DNAAF5: variants seen among roughly 807,000 people sequenced by gnomAD.
DNAAF5 encodes the protein dynein axonemal assembly factor 5.
In DNAAF5, 64 loss-of-function variants were observed where a neutral mutation model predicts 75.8. That is an observed-to-expected ratio of 0.84 (90% CI 0.69 to 1.04). DNAAF5 has a LOEUF of 1.04. DNAAF5 is among the 50% of genes least tolerant of loss of function. The probability of loss-of-function intolerance (pLI) is 0.00; values close to 1 mark genes in which losing one functional copy is unlikely to be tolerated. For missense variants in DNAAF5, 1,269 were observed against 1,178.5 expected (o/e 1.08, Z -1.12); for synonymous variants, 657 against 557.2 (o/e 1.18, Z -2.52).
intron 8 of DNAAF5, among the ~76,000 whole-genome samples, chr7:765,092 G>C (rs1782779706): frequency 6.6e-6 from 1 of 152,234 alleles, no homozygotes; most frequent in South Asian, 2.1e-4. Flanking sequence ...CTGCACTCCA[G>C]CCTGGGCAAC....
chr7:740,313 G>C (rs1202331994), intron 2 of DNAAF5, among the ~76,000 whole-genome samples: 1 of 152,210 alleles, frequency 6.6e-6, no homozygotes, highest in Non-Finnish European at 1.5e-5. Flanking sequence ...CAGCAGAACT[G>C]GGGACCCTAC....
chr7:770,061 C>T (rs1778502948), intron 8 of DNAAF5, among the ~76,000 whole-genome samples: 1 of 152,196 alleles, frequency 6.6e-6, no homozygotes, highest in Non-Finnish European at 1.5e-5. Flanking sequence ...AAGTGATTCT[C>T]CTGCCTCAGC....
chr7:734,609 T>C (rs1781678674), intron 2 of DNAAF5, among the ~76,000 whole-genome samples: 1 of 152,242 alleles, frequency 6.6e-6, no homozygotes, highest in African/African-American at 2.4e-5. Context: ...TTTGGAGGTA[T>C]TCCTTCCTCT....
rs1345721848 is a variant in DNAAF5, at chr7:786,104, A to T, written c.*451A>T. On this transcript the variant is annotated 3_prime_UTR_variant, in exon 13 of 13. Coordinates refer to ENST00000297440, the MANE Select transcript of DNAAF5 (RefSeq NM_017802.4). Reference sequence around the variant, plus strand: ...TGGGTTCTGTCTACTGAAATTTAATATCTCAGTGAACAGACTAAAAGGAAT... The same window carrying T: ...TGGGTTCTGTCTACTGAAATTTAATTTCTCAGTGAACAGACTAAAAGGAAT... 1 of 157,612 alleles carries T rather than the reference A, an allele frequency of 6.3e-6. No homozygotes were observed. The highest frequency in any genetic ancestry group is 1.4e-5 in the Non-Finnish European group (1 of 71,684). 9.8% of individuals were successfully genotyped at this position (157,612 alleles called of 1,614,324 possible). A position where few individuals can be genotyped will look rare whatever the true frequency, so the allele number is the denominator to read the frequency against.
At chr7:773,968 C>T (rs1017928465) in intron 9 of DNAAF5, 80 bp from the exon 10 acceptor site, 1 of 1,531,206 alleles carries the variant, frequency 6.5e-7, no homozygotes, top group African/African-American at 1.4e-5. Context: ...CCCCCCTCAG[C>T]CCCATTCATC....
intron 2 of DNAAF5, among the ~76,000 whole-genome samples, chr7:737,050 C>T (rs978793466): frequency 6.6e-6 from 1 of 151,776 alleles, no homozygotes; most frequent in African/African-American, 2.4e-5. Context: ...ATATCTTTGT[C>T]TTGAAAAGTC....
Position 779,824 on chromosome 7 carries a change from G to A in DNAAF5, c.2240-129G>A, listed in dbSNP as rs565622480. ...TGGCTCGGGATGCACGGAGTCTCCC[G>A]TGAGGTGTGGGTTTCTTAGGACCCC... On this transcript the variant is annotated intron_variant, in intron 11 of 12. Transcript: ENST00000297440. 3.2e-5 allele frequency: 24 copies of A among 754,064 alleles called. No individual in the cohort carries two copies. In the East Asian group the frequency reaches 3.5e-4, roughly 11 times the overall value. 46.7% of individuals were successfully genotyped at this position (754,064 alleles called of 1,614,324 possible). A position where few individuals can be genotyped will look rare whatever the true frequency, so the allele number is the denominator to read the frequency against.
intron 6 of DNAAF5, among the ~76,000 whole-genome samples, chr7:760,718 A>G (rs1366813271): frequency 1.3e-5 from 2 of 152,258 alleles, no homozygotes; most frequent in Admixed American, 6.5e-5. Context: ...TCTTGGGTCC[A>G]GCACACGCCT....
intron 8 of DNAAF5, among the ~76,000 whole-genome samples, chr7:767,931 CG>C (rs1268034533): frequency 5.6e-5 from 8 of 143,540 alleles, no homozygotes; most frequent in Admixed American, 2.1e-4. Context: ...GCTGGGAGGG[CG>C]GACACGTGGC....
At chr7:735,546 G>A (rs1583477188) in intron 2 of DNAAF5, among the ~76,000 whole-genome samples, 1 of 152,256 alleles carries the variant, frequency 6.6e-6, no homozygotes, top group African/African-American at 2.4e-5. Context: ...TGGTGTAGCT[G>A]CTCACAGTGT....
At chr7:745,433 C>A (rs73256299) in intron 4 of DNAAF5, among the ~76,000 whole-genome samples, 2,832 of 114,606 alleles carry the variant, frequency 0.025, 42 homozygotes, top group East Asian at 0.14. Context: ...CGCATACACA[C>A]ACACACACAT....
rs757925091 is a variant in DNAAF5, at chr7:775,082, T to A, written c.2159T>A (p.Ile720Asn). ...GAGGATTCGAAGATGACGCGACTGA[T>A]CTCATGCCGTATTATCAACACGTTC... ...LEEDSKMTRL[I>N]SCRIINTFLK... is the part of the protein sequence containing the mutation. The change falls in exon 11 of 13, where the codon ATC (isoleucine) becomes AAC (asparagine). Residue 720 changes from isoleucine to asparagine, a missense_variant. Physicochemically the swap from Ile to Asn is moderately radical, Grantham distance 149. Transcript: ENST00000297440. 3.1e-6 allele frequency: 5 copies of A among 1,614,082 alleles called. No homozygotes were observed. In the South Asian group the frequency reaches 5.5e-5, roughly 18 times the overall value.
At chr7:735,510 G>GTAGTTGCTC (rs1562375334) in intron 2 of DNAAF5, among the ~76,000 whole-genome samples, 3 of 150,704 alleles carry the variant, frequency 2.0e-5, no homozygotes, top group Admixed American at 1.3e-4. Context: ...TGTAGTTGCT[G>GTAGTTGCTC]ATATTGTTGC....
chr7:769,133 G>A lies in DNAAF5; in HGVS notation c.1784-1338G>A, dbSNP rs1778463050. 5 of 768,106 alleles carry A rather than the reference G, an allele frequency of 6.5e-6. No individual in the cohort carries two copies. In the East Asian group the frequency reaches 7.3e-5, roughly 11 times the overall value. 47.6% of individuals were successfully genotyped at this position (768,106 alleles called of 1,614,324 possible). ...GGTGCGGGGGTCTCAGTCCACTACC[G>A]AGCAGCCTGCTCTGATGACTGGCGG... On this transcript the variant is annotated intron_variant, in intron 8 of 12. Transcript: ENST00000297440.
At position 726,716 on chromosome 7, in the gene DNAAF5, G is replaced by A. The variant is rs1347721881; in HGVS notation, c.-5G>A. 111 of 1,239,248 alleles carry A rather than the reference G, an allele frequency of 9.0e-5. No individual in the cohort carries two copies. The highest frequency in any genetic ancestry group is 1.1e-4 in the Non-Finnish European group (106 of 992,498). The allele number at this position is 1,239,248 out of a possible 1,614,324, so 76.8% of individuals were successfully genotyped here. On this transcript the variant is annotated 5_prime_UTR_variant, in exon 1 of 13. Transcript: ENST00000297440. ...TTCCCCTTAGTGACCGGCGACGCGGGCAAGATGGCGGCGCTGGGGGTGGCG... is the reference window on the plus strand; with the variant it reads ...TTCCCCTTAGTGACCGGCGACGCGGACAAGATGGCGGCGCTGGGGGTGGCG...
Position 754,523 on chromosome 7 carries a change from C to A in DNAAF5, c.1025-66C>A. 7.5e-7 allele frequency: 1 copy of A among 1,327,540 alleles called. No individual in the cohort carries two copies. Among genetic ancestry groups the A allele is most frequent in the Admixed American group, 1.7e-5 (1 of 58,416 alleles). 82.2% of individuals were successfully genotyped at this position (1,327,540 alleles called of 1,614,324 possible). On this transcript the variant is annotated intron_variant, in intron 4 of 12. Coordinates refer to ENST00000297440, the MANE Select transcript of DNAAF5 (RefSeq NM_017802.4). The surrounding 1 kb of genome is among the most constrained non-coding windows in gnomAD (Gnocchi z 4.8). ...ACAGGTGTCCCTTAAATGTGATGTG[C>A]GGTAACTTGAGTTGTTGAGGTTTTG...
At chr7:740,477 G>C (rs1039631450) in intron 2 of DNAAF5, among the ~76,000 whole-genome samples, 1 of 152,200 alleles carries the variant, frequency 6.6e-6, no homozygotes, top group East Asian at 1.9e-4. Flanking sequence ...CTTTGAACAC[G>C]CTGCACGGCT....
In DNAAF5 at chr7:783,303, C is replaced by T. The variant is rs528093748; in HGVS notation, c.2432-2214C>T. ...CCCACTCGCGGGTGTAAGCCGTGTGCGTGAGGGTGAGTGTGGCAGGTGAAG... is the reference window on the plus strand; with the variant it reads ...CCCACTCGCGGGTGTAAGCCGTGTGTGTGAGGGTGAGTGTGGCAGGTGAAG... On this transcript the variant is annotated intron_variant, in intron 12 of 12. Coordinates refer to ENST00000297440, the MANE Select transcript of DNAAF5 (RefSeq NM_017802.4). 4.6e-5 allele frequency among the ~76,000 whole-genome samples: 7 copies of T among 152,270 alleles called. 1 individual carries two copies. In the South Asian group the frequency reaches 1.2e-3, roughly 27 times the overall value.
chr7:785,269 C>T (rs559510383), intron 12 of DNAAF5, among the ~76,000 whole-genome samples: 5 of 148,524 alleles, frequency 3.4e-5, no homozygotes, highest in East Asian at 2.5e-4. Flanking sequence ...GATTGTGAGT[C>T]GGGTCACTCG....
Sources: allele counts gnomAD v4.1 joint callset (sites outside exome capture counted in the v4.1 genomes callset), GRCh38; gene constraint gnomAD v4.1.1; non-coding constraint Gnocchi (gnomAD v3.1); transcripts MANE v1.5; gene names NCBI Gene and HGNC (gene_info 2026-07-23, HGNC 2026-07-21).